CLASP1: variants seen among roughly 807,000 people sequenced by gnomAD.
CLASP1 encodes cytoplasmic linker associated protein 1.
CLASP1 carries 38 observed loss-of-function variants against 192.3 expected under a neutral mutation model. That is an observed-to-expected ratio of 0.20 (90% CI 0.15 to 0.26). The LOEUF is 0.26. Ranked by LOEUF, CLASP1 falls within the 10% of genes least tolerant of loss-of-function variation. CLASP1 has a pLI of 1.00. For synonymous variants in CLASP1, 691 were observed against 712.8 expected (o/e 0.97, Z 0.49); for missense variants, 1,433 against 1,932.5 (o/e 0.74, Z 4.85).
intron 1 of CLASP1, among the ~76,000 whole-genome samples, chr2:121,646,315 A>G (rs1350869640): frequency 6.6e-6 from 1 of 152,158 alleles, no homozygotes; most frequent in African/African-American, 2.4e-5. Flanking sequence ...GGGTTTCACC[A>G]TGTTGCCCAG....
At chr2:121,360,943 CT>C (rs1287386775) in intron 37 of CLASP1, among the ~76,000 whole-genome samples, 5 of 152,050 alleles carry the variant, frequency 3.3e-5, no homozygotes, top group African/African-American at 9.7e-5. Context: ...AGAATTTTCT[CT>C]CCTAAATTTC....
At chr2:121,367,762 G>T in exon 35 of CLASP1, 1 of 1,613,916 alleles carries the variant, frequency 6.2e-7, no homozygotes, top group African/African-American at 1.3e-5. Context: ...AGAGCTGTCC[G>T]GCCTCCTTCT....
intron 9 of CLASP1, among the ~76,000 whole-genome samples, chr2:121,467,178 A>G (rs1438463708): frequency 6.6e-6 from 1 of 152,204 alleles, no homozygotes; most frequent in Non-Finnish European, 1.5e-5. Flanking sequence ...TGTGGTATAC[A>G]TGTACCACAC....
intron 37 of CLASP1, among the ~76,000 whole-genome samples, chr2:121,361,431 T>C (rs1239817493): frequency 6.6e-6 from 1 of 152,262 alleles, no homozygotes; most frequent in Non-Finnish European, 1.5e-5. Flanking sequence ...ACATGCCATT[T>C]GCCCCTTAAC....
Position 121,438,787 on chromosome 2 carries a change from TTC to T in CLASP1, c.1912+8548_1912+8549del, listed in dbSNP as rs1471544495. On this transcript the variant is annotated intron_variant, in intron 19 of 39. Coordinates refer to ENST00000263710, the Ensembl canonical transcript of CLASP1. The stretch of plus-strand genomic sequence containing the variant: ...GTTCATCAAGGATATTGGTCTAAAA[TTC>T]TCTTTTTTGGTTGTGTCTCTGCCTG... 4.6e-5 allele frequency among the ~76,000 whole-genome samples: 7 copies of T among 151,400 alleles called. No homozygotes were observed. The East Asian group carries it at 1.4e-3, about 29-fold the overall frequency.
intron 8 of CLASP1, among the ~76,000 whole-genome samples, chr2:121,479,428 C>T (rs1422741582): frequency 1.3e-5 from 2 of 152,152 alleles, no homozygotes; most frequent in Non-Finnish European, 2.9e-5. Flanking sequence ...AAACACCTAA[C>T]AACTTCAACA....
chr2:121,475,760 G>A (rs563393864), intron 8 of CLASP1, among the ~76,000 whole-genome samples: 15 of 152,150 alleles, frequency 9.9e-5, no homozygotes, highest in African/African-American at 2.4e-4. Context: ...ACATAAAATC[G>A]TCTTAAGGGG....
intron 2 of CLASP1, chr2:121,530,957 C>G: frequency 4.3e-6 from 3 of 700,408 alleles, no homozygotes; most frequent in Non-Finnish European, 7.8e-6. Context: ...CTGAACAACA[C>G]ACCCGCATCA....
At chr2:121,578,504 C>T (rs965808816) in intron 2 of CLASP1, among the ~76,000 whole-genome samples, 12 of 148,818 alleles carry the variant, frequency 8.1e-5, no homozygotes, top group Non-Finnish European at 1.6e-4. Flanking sequence ...CCGAGGCTGG[C>T]GGATCACAAG....
At chr2:121,407,835 A>G in intron 24 of CLASP1, 120 bp from the exon 26 acceptor site, 1 of 1,137,282 alleles carries the variant, frequency 8.8e-7, no homozygotes, top group Non-Finnish European at 1.3e-6. Flanking sequence ...ACATGCACAC[A>G]CACACTTTTC....
At position 121,528,658 on chromosome 2, in the gene CLASP1, A is replaced by G; in HGVS notation, c.378+19T>C. Reference sequence around the variant, plus strand: ...CGCGCACTGGCCAGCTGACCTCAAAACACATCTCTTGCCCCTACCTGGGGA... The same window carrying G: ...CGCGCACTGGCCAGCTGACCTCAAAGCACATCTCTTGCCCCTACCTGGGGA... On this transcript the variant is annotated intron_variant, in intron 4 of 39. Coordinates refer to ENST00000263710, the Ensembl canonical transcript of CLASP1. The G allele has an allele frequency of 6.2e-7, 1 of 1,611,046 alleles. No individual in the cohort carries two copies. Among genetic ancestry groups the G allele is most frequent in the Non-Finnish European group, 8.5e-7 (1 of 1,177,254 alleles).
At chr2:121,647,649 G>A (rs1018367068) in intron 1 of CLASP1, among the ~76,000 whole-genome samples, 7 of 152,182 alleles carry the variant, frequency 4.6e-5, no homozygotes, top group African/African-American at 1.7e-4. Flanking sequence ...TAAATAAAGT[G>A]GAATCTGTGG....
intron 7 of CLASP1, among the ~76,000 whole-genome samples, chr2:121,512,013 T>C (rs1166395591): frequency 2.6e-5 from 4 of 152,210 alleles, no homozygotes; most frequent in African/African-American, 9.6e-5. Context: ...CTGATGAATG[T>C]TTATAAATTT....
chr2:121,561,752 C>A (rs148252357), intron 2 of CLASP1, among the ~76,000 whole-genome samples: 12 of 152,328 alleles, frequency 7.9e-5, no homozygotes, highest in African/African-American at 2.9e-4. Flanking sequence ...TTCTGAAATA[C>A]TGGGCTCTCT....
In CLASP1 at chr2:121,458,985, G is replaced by A; in HGVS notation, c.1179-10C>T. 2 of 1,595,242 alleles carry A rather than the reference G, an allele frequency of 1.3e-6. No individual in the cohort carries two copies. Among genetic ancestry groups the A allele is most frequent in the East Asian group, 2.3e-5 (1 of 44,266 alleles). On this transcript the variant is annotated splice_polypyrimidine_tract_variant and intron_variant, in intron 12 of 39. Transcript: ENST00000263710. ...AACTGATGACAGATGCCTAAAACAA[G>A]AAAAGGATACTGGACTATAGTTATT...
intron 1 of CLASP1, among the ~76,000 whole-genome samples, chr2:121,646,274 A>C (rs1253758715): frequency 6.6e-6 from 1 of 152,090 alleles, no homozygotes; most frequent in African/African-American, 2.4e-5. Context: ...CACTATCCCC[A>C]GCTAATTTTT....
chr2:121,520,067 C>T (rs1300926093), intron 6 of CLASP1, among the ~76,000 whole-genome samples: 1 of 152,188 alleles, frequency 6.6e-6, no homozygotes, highest in East Asian at 1.9e-4. Context: ...AATCTAAGGT[C>T]TCCAACGTCT....
chr2:121,354,006 T>C (rs1305993805), intron 37 of CLASP1, among the ~76,000 whole-genome samples: 2 of 152,144 alleles, frequency 1.3e-5, no homozygotes, highest in African/African-American at 2.4e-5. Context: ...TTACCCAAAC[T>C]GGTTTCAAAT....
rs184714197 is a variant in CLASP1 at position 121,531,157 on chromosome 2, G to A, written c.196-832C>T. 40 of 611,430 alleles carry A rather than the reference G, an allele frequency of 6.5e-5. No individual in the cohort carries two copies. The East Asian group carries it at 8.8e-4, about 13-fold the overall frequency. 37.9% of individuals were successfully genotyped at this position (611,430 alleles called of 1,614,324 possible). A position where few individuals can be genotyped will look rare whatever the true frequency, so the allele number is the denominator to read the frequency against. On this transcript the variant is annotated intron_variant, in intron 2 of 39. Coordinates refer to ENST00000263710, the Ensembl canonical transcript of CLASP1. ...CTTTCAGTTTTTGCGGTGATTAAACGGGAAGGATTTCAACAGAACTTCACC... is the reference window on the plus strand; with the variant it reads ...CTTTCAGTTTTTGCGGTGATTAAACAGGAAGGATTTCAACAGAACTTCACC...
Sources: allele counts gnomAD v4.1 joint callset (sites outside exome capture counted in the v4.1 genomes callset), GRCh38; gene constraint gnomAD v4.1.1; transcripts MANE v1.5; gene names NCBI Gene and HGNC (gene_info 2026-07-23, HGNC 2026-07-21).